Variants in GRSF1 observed in about 807,000 individuals in gnomAD.
GRSF1 encodes G-rich RNA sequence binding factor 1, also known as G-rich sequence factor 1.
GRSF1 carries 50 observed loss-of-function variants against 51.1 expected under a neutral mutation model. The ratio of observed to expected loss-of-function variants is 0.98; its 90% CI spans 0.78 to 1.24. The LOEUF (loss-of-function observed/expected upper bound fraction) is 1.24. Ranked by LOEUF, GRSF1 falls within the 50% of genes most tolerant of loss-of-function variation. GRSF1 has a pLI of 0.00. For synonymous variants in GRSF1, 293 were observed against 253.3 expected (o/e 1.16, Z -1.49); for missense variants, 700 against 639.7 (o/e 1.09, Z -1.02).
intron 5 of GRSF1, among the ~76,000 whole-genome samples, chr4:70,829,564 G>A (rs987077969): frequency 3.3e-5 from 5 of 152,090 alleles, no homozygotes; most frequent in African/African-American, 1.2e-4. Flanking sequence ...TGAAGTGGGA[G>A]GATTGCTTGA....
In GRSF1 at chr4:70,828,746, T is replaced by G. The variant is rs1288257265; in HGVS notation, c.951-710A>C. Among the ~76,000 whole-genome samples the G allele has an allele frequency of 7.6e-3, 1,148 of 151,430 alleles. 16 individuals carry two copies. Among genetic ancestry groups the G allele is most frequent in the African/African-American group, 0.027 (1,114 of 41,320 alleles). Reference sequence around the variant, plus strand: ...CACCACACACTGCTAATTTTTTTTTTTTTTTTTTGAAGCAGAGTTTTGCTT... The same window carrying G: ...CACCACACACTGCTAATTTTTTTTTGTTTTTTTTGAAGCAGAGTTTTGCTT... On this transcript the variant is annotated intron_variant, in intron 5 of 9. Transcript: ENST00000254799.
At position 70,825,311 on chromosome 4, in the gene GRSF1, C is replaced by T; in HGVS notation, c.1378G>A (p.Asp460Asn). 3 of 1,607,710 alleles carry T rather than the reference C, an allele frequency of 1.9e-6. No individual in the cohort carries two copies. The highest frequency in any genetic ancestry group is 2.2e-5 in the East Asian group (1 of 44,834). Reference sequence around the variant, plus strand: ...CAGGACTTACGAACGTGGGACCGATCCTTGAGCATCGCTGCAACAGCATCC... The same window carrying T: ...CAGGACTTACGAACGTGGGACCGATTCTTGAGCATCGCTGCAACAGCATCC... ...HEDAVAAMLK[D>N]RSHVHHRYIE... Residue 460 changes from aspartate to asparagine, a missense_variant, in exon 8 of 10, where the codon GAT (aspartate) becomes AAT (asparagine). Asp to Asn is a conservative substitution (Grantham distance 23). Coordinates refer to ENST00000254799, the MANE Select transcript of GRSF1 (RefSeq NM_002092.4).
In GRSF1 at chr4:70,836,274, G is replaced by T. The variant is rs1327471119; in HGVS notation, c.398C>A (p.Pro133His). Reference sequence around the variant, plus strand: ...CTTGGACGGGGCCAATTCATACTCAGGGGGTGGTGGAAGGTCTTCCAGGTA... The same window carrying T: ...CTTGGACGGGGCCAATTCATACTCATGGGGTGGTGGAAGGTCTTCCAGGTA... ...TTYLEDLPPP[P>H]EYELAPSKLE... is the part of the protein sequence containing the mutation. The change falls in exon 2 of 10, where the codon CCT (proline) becomes CAT (histidine). Residue 133 changes from proline to histidine, a missense_variant. Coordinates refer to ENST00000254799, the MANE Select transcript of GRSF1 (RefSeq NM_002092.4). 1.3e-6 allele frequency: 2 copies of T among 1,599,950 alleles called. No individual in the cohort carries two copies. The highest frequency in any genetic ancestry group is 1.7e-6 in the Non-Finnish European group (2 of 1,175,882).
chr4:70,819,747 T>C lies in GRSF1; in HGVS notation c.*1140A>G, dbSNP rs1733434155. On this transcript the variant is annotated 3_prime_UTR_variant, in exon 10 of 10. Coordinates refer to ENST00000254799, the MANE Select transcript of GRSF1 (RefSeq NM_002092.4). ...GAACAGGAACAAGGCAAAGAAAGCATACAGGATTTTGATTCTCCTACACAG... is the reference window on the plus strand; with the variant it reads ...GAACAGGAACAAGGCAAAGAAAGCACACAGGATTTTGATTCTCCTACACAG... The C allele has an allele frequency of 6.6e-6, 1 of 152,596 alleles. No individual in the cohort carries two copies. The allele number at this position is 152,596 out of a possible 1,614,324, so 9.5% of individuals were successfully genotyped here.
rs934503245 is a variant in GRSF1 at position 70,820,525 on chromosome 4, G to C, written c.*362C>G. On this transcript the variant is annotated 3_prime_UTR_variant, in exon 10 of 10. Transcript: ENST00000254799. ...AAAAAAAAAAAGTTACTTTTTAAAT[G>C]AAACCGTTTAAAGAACACTGCTGAA... 6.6e-6 allele frequency: 1 copy of C among 152,286 alleles called. No individual in the cohort carries two copies. The highest frequency in any genetic ancestry group is 2.4e-5 in the African/African-American group (1 of 41,386). The allele number at this position is 152,286 out of a possible 1,614,324, so 9.4% of individuals were successfully genotyped here. A position where few individuals can be genotyped will look rare whatever the true frequency, so the allele number is the denominator to read the frequency against.
rs1733806147 is a variant in GRSF1 at position 70,828,062 on chromosome 4, C to T, written c.951-26G>A. The T allele has an allele frequency of 3.8e-6, 6 of 1,560,552 alleles. No homozygotes were observed. In the East Asian group the frequency reaches 1.3e-4, roughly 35 times the overall value. On this transcript the variant is annotated intron_variant, in intron 5 of 9. Transcript: ENST00000254799. ...CTATGTCAAAGCAAAAGTAAACAGGCACAAATGGTGCAAAGTAACTTTATA... is the reference window on the plus strand; with the variant it reads ...CTATGTCAAAGCAAAAGTAAACAGGTACAAATGGTGCAAAGTAACTTTATA...
Position 70,816,627 on chromosome 4 carries a change from G to A in GRSF1, c.*4260C>T, listed in dbSNP as rs1733319519. ...TAATCCCAGCTACTCGGGAATCTGA[G>A]GCATGAGAATTGCTTGAAACTGGGA... On this transcript the variant is annotated 3_prime_UTR_variant, in exon 10 of 10. Coordinates refer to ENST00000254799, the MANE Select transcript of GRSF1 (RefSeq NM_002092.4). 1 of 152,202 alleles carries A rather than the reference G, an allele frequency of 6.6e-6. No homozygotes were observed. Among genetic ancestry groups the A allele is most frequent in the Non-Finnish European group, 1.5e-5 (1 of 68,086 alleles). 9.4% of individuals were successfully genotyped at this position (152,202 alleles called of 1,614,324 possible).
chr4:70,839,239 G>C, intron 1 of GRSF1: 1 of 1,466,834 alleles, frequency 6.8e-7, no homozygotes, highest in Non-Finnish European at 9.1e-7. Context: ...CTGCCCAACC[G>C]ACCAGAGACT....
At chr4:70,837,794 C>T (rs1428510767) in intron 1 of GRSF1, among the ~76,000 whole-genome samples, 1 of 151,050 alleles carries the variant, frequency 6.6e-6, no homozygotes, top group African/African-American at 2.4e-5. Context: ...CGCCACCCCG[C>T]CCGGCTAATT....
At chr4:70,824,509 C>T (rs927763206) in intron 8 of GRSF1, 141 bp from the exon 9 acceptor site, 6 of 531,730 alleles carry the variant, frequency 1.1e-5, no homozygotes, top group Admixed American at 2.8e-5. Context: ...AGGCCAGACA[C>T]GGTGGCTCAC....
upstream of GRSF1, chr4:70,839,926 G>C: frequency 1.8e-6 from 2 of 1,122,240 alleles, no homozygotes; most frequent in South Asian, 3.6e-5. Context: ...GGTGTGCCTG[G>C]CACATGCGCC....
intron 1 of GRSF1, 145 bp downstream of exon 1, chr4:70,839,326 G>A: frequency 3.3e-6 from 5 of 1,503,632 alleles, no homozygotes; most frequent in Non-Finnish European, 4.4e-6. Context: ...TAGGAGCACA[G>A]GGTGGACGGG....
At chr4:70,840,580 T>C (rs559876654), upstream of GRSF1, among the ~76,000 whole-genome samples, 20 of 152,218 alleles carry the variant, frequency 1.3e-4, no homozygotes, top group South Asian at 3.9e-3. Context: ...CTGGCCAACA[T>C]GGTGAAACTG....
In GRSF1 at chr4:70,832,328, C is replaced by T. The variant is rs1734013042; in HGVS notation, c.793G>A (p.Asp265Asn). The T allele has an allele frequency of 1.2e-6, 2 of 1,613,576 alleles. No individual in the cohort carries two copies. The highest frequency in any genetic ancestry group is 1.7e-6 in the Non-Finnish European group (2 of 1,179,666). ...GTACCTGCAAAGAAGTCTACAATGT[C>T]TTTCTCATTGCAACTATAAGGAAGT... is the stretch of plus-strand genomic sequence containing the variant. ...RGLPYSCNEKDIVDFFAGLNI... is the reference protein window; with the variant it reads ...RGLPYSCNEKNIVDFFAGLNI... The change falls in exon 4 of 10, where the codon GAC (aspartate) becomes AAC (asparagine). Residue 265 changes from aspartate (D) to asparagine (N), a missense_variant. Coordinates refer to ENST00000254799, the MANE Select transcript of GRSF1 (RefSeq NM_002092.4).
intron 2 of GRSF1, 32 bp from the exon 3 acceptor site, chr4:70,833,305 C>G: frequency 3.1e-6 from 5 of 1,597,710 alleles, no homozygotes; most frequent in Non-Finnish European, 4.3e-6. Flanking sequence ...CAATTGAAAA[C>G]AGAAATCAAA....
At chr4:70,829,143 G>A (rs1200647156) in intron 5 of GRSF1, among the ~76,000 whole-genome samples, 1 of 151,118 alleles carries the variant, frequency 6.6e-6, no homozygotes, top group Non-Finnish European at 1.5e-5. Context: ...CTCCCACTTC[G>A]GCCTCCCAAA....
rs536073277 is a variant in GRSF1, at chr4:70,825,712, G to T, written c.1258-281C>A. 1.4e-5 allele frequency: 4 copies of T among 295,558 alleles called. No individual in the cohort carries two copies. In the East Asian group the frequency reaches 3.0e-4, roughly 22 times the overall value. 18.3% of individuals were successfully genotyped at this position (295,558 alleles called of 1,614,324 possible). On this transcript the variant is annotated intron_variant, in intron 7 of 9. Coordinates refer to ENST00000254799, the MANE Select transcript of GRSF1 (RefSeq NM_002092.4). ...TTTGGGAGGCCGAGGACAGTGGATC[G>T]CTTGAGGTCAGGAGATCAAAACCAG...
In GRSF1 at chr4:70,819,084, C is replaced by T. The variant is rs982743295; in HGVS notation, c.*1803G>A. 1.3e-5 allele frequency: 2 copies of T among 152,122 alleles called. No homozygotes were observed. Among genetic ancestry groups the T allele is most frequent in the Non-Finnish European group, 2.9e-5 (2 of 68,028 alleles). The allele number at this position is 152,122 out of a possible 1,614,324, so 9.4% of individuals were successfully genotyped here. On this transcript the variant is annotated 3_prime_UTR_variant, in exon 10 of 10. Transcript: ENST00000254799. ...TTTGTACAGAAAACTCAGCCTGTAG[C>T]GTGCCAAGAAGATATATCCTTTCAA...
Position 70,833,118 on chromosome 4 carries a change from C to G in GRSF1, c.670G>C (p.Val224Leu). Residue 224 changes from valine to leucine, a missense_variant and splice_region_variant, in exon 3 of 10, where the codon GTA becomes CTA. Transcript: ENST00000254799. ...AAAGCCATAATCTGACTTCACATAC[C>G]TTCCACATACCGCTGGCCCATGTAC... The part of the protein sequence containing the change: ...RMYMGQRYVE[V>L]YEINNEDVDA... 6.2e-7 allele frequency: 1 copy of G among 1,612,608 alleles called. No homozygotes were observed. Among genetic ancestry groups the G allele is most frequent in the Non-Finnish European group, 8.5e-7 (1 of 1,179,416 alleles).
Sources: allele counts gnomAD v4.1 joint callset (sites outside exome capture counted in the v4.1 genomes callset), GRCh38; gene constraint gnomAD v4.1.1; transcripts MANE v1.5; gene names NCBI Gene and HGNC (gene_info 2026-07-23, HGNC 2026-07-21).